The following KCNK13 variants were observed in gnomAD, a reference collection of about 807,000 sequenced individuals.
KCNK13 encodes the protein potassium two pore domain channel subfamily K member 13.
KCNK13 carries 12 observed loss-of-function variants against 23.4 expected under a neutral mutation model. The ratio of observed to expected loss-of-function variants is 0.51; its 90% CI spans 0.33 to 0.83. The LOEUF is 0.83. Ranked by LOEUF, KCNK13 falls within the 40% of genes least tolerant of loss-of-function variation. KCNK13 has a pLI of 0.02. For synonymous variants in KCNK13, 231 were observed against 229.5 expected, an observed-to-expected ratio of 1.01 and a Z score of -0.06; for missense variants, 463 against 556.3, an observed-to-expected ratio of 0.83 and a Z score of 1.69.
intron 1 of KCNK13, among the ~76,000 whole-genome samples, chr14:90,173,886 T>A (rs1044628960): frequency 6.6e-6 from 1 of 152,186 alleles, no homozygotes; most frequent in Non-Finnish European, 1.5e-5. Flanking sequence ...GAGGTTTAAT[T>A]GACTCACAGT....
chr14:90,169,667 A>C (rs1890342419), intron 1 of KCNK13, among the ~76,000 whole-genome samples: 1 of 152,180 alleles, frequency 6.6e-6, no homozygotes, highest in Admixed American at 6.5e-5. Context: ...TGTGAAGTAC[A>C]GATGCCCCCT....
At chr14:90,089,683 T>C (rs1244093901) in intron 1 of KCNK13, among the ~76,000 whole-genome samples, 2 of 152,174 alleles carry the variant, frequency 1.3e-5, no homozygotes, top group African/African-American at 4.8e-5. Flanking sequence ...GCCCCTCCCA[T>C]CACAGGCCCG....
At chr14:90,112,002 C>A (rs919988309) in intron 1 of KCNK13, among the ~76,000 whole-genome samples, 3 of 152,182 alleles carry the variant, frequency 2.0e-5, no homozygotes, top group Admixed American at 2.0e-4. Flanking sequence ...AACCTTGGGG[C>A]TGGCCCCACC....
chr14:90,087,630 G>A (rs186078748), intron 1 of KCNK13, among the ~76,000 whole-genome samples: 23 of 152,298 alleles, frequency 1.5e-4, no homozygotes, highest in Admixed American at 1.2e-3. Context: ...CAATCACTGC[G>A]CAGCATAATC....
chr14:90,065,544 A>T (rs1888997661), intron 1 of KCNK13, among the ~76,000 whole-genome samples: 1 of 152,222 alleles, frequency 6.6e-6, no homozygotes, highest in African/African-American at 2.4e-5. Flanking sequence ...CAGGTGCCAC[A>T]GTGGGCAACT....
intron 1 of KCNK13, among the ~76,000 whole-genome samples, chr14:90,086,782 A>G (rs907023122): frequency 1.8e-4 from 27 of 152,184 alleles, no homozygotes; most frequent in Middle Eastern, 3.4e-3. Flanking sequence ...TATTGGCCCA[A>G]CCTGACTGCA....
chr14:90,129,137 T>C (rs1889838050), intron 1 of KCNK13, among the ~76,000 whole-genome samples: 1 of 152,242 alleles, frequency 6.6e-6, no homozygotes, highest in Non-Finnish European at 1.5e-5. Flanking sequence ...CTTTTTAGTC[T>C]CAATCTTAGG....
In KCNK13 at chr14:90,062,311, G is replaced by A; in HGVS notation, c.106G>A (p.Ala36Thr). The A allele has an allele frequency of 6.4e-7, 1 of 1,555,760 alleles. No homozygotes were observed. Reference protein sequence around the residue: ...LIVLYLLGGAAVFSALELAHE... With the variant: ...LIVLYLLGGATVFSALELAHE... ...CGTGCTCTACCTGCTGGGCGGCGCC[G>A]CCGTCTTCTCCGCGCTGGAGCTGGC... The change falls in exon 1 of 2, where the codon GCC (alanine) becomes ACC (threonine). Residue 36 changes from alanine to threonine, a missense_variant. Ala to Thr is a moderately conservative substitution (Grantham distance 58). Around this residue, in one of 3 missense-constraint regions of KCNK13, gnomAD observed 153 missense variants for 153.6 expected, o/e 1.00. Transcript: ENST00000282146. The surrounding 1 kb of genome is among the most constrained non-coding windows in gnomAD (Gnocchi z 4.5).
In KCNK13 at chr14:90,121,582, G is replaced by A. The variant is rs183206135; in HGVS notation, c.334+59043G>A. On this transcript the variant is annotated intron_variant, in intron 1 of 1. Coordinates refer to ENST00000282146, the MANE Select transcript of KCNK13 (RefSeq NM_022054.4). ...TCTATTTTCTCCCATGATAAATGTA[G>A]TATATGCTCATTATAGAAAAAAGTC... 7.2e-5 allele frequency among the ~76,000 whole-genome samples: 11 copies of A among 152,284 alleles called. No homozygotes were observed. The East Asian group carries it at 2.1e-3, about 29-fold the overall frequency.
At chr14:90,152,362 C>T (rs1890143282) in intron 1 of KCNK13, among the ~76,000 whole-genome samples, 2 of 152,136 alleles carry the variant, frequency 1.3e-5, no homozygotes, top group South Asian at 4.1e-4. Context: ...ATGGTAAAAC[C>T]CCATCTCTAC....
intron 1 of KCNK13, among the ~76,000 whole-genome samples, chr14:90,125,946 C>T (rs1031221508): frequency 6.6e-6 from 1 of 151,402 alleles, no homozygotes; most frequent in Non-Finnish European, 1.5e-5. Flanking sequence ...ATCACCTGAG[C>T]CTGGGGAGGT....
At chr14:90,110,350 A>G (rs1889600446) in intron 1 of KCNK13, among the ~76,000 whole-genome samples, 1 of 152,034 alleles carries the variant, frequency 6.6e-6, no homozygotes, top group Non-Finnish European at 1.5e-5. Flanking sequence ...CGTCTCTACT[A>G]AAAATACAAA....
chr14:90,129,667 A>G (rs1889844265), intron 1 of KCNK13, among the ~76,000 whole-genome samples: 2 of 152,136 alleles, frequency 1.3e-5, no homozygotes, highest in Admixed American at 1.3e-4. Flanking sequence ...CAGTATGAAA[A>G]GTTCCACTGA....
Position 90,184,587 on chromosome 14 carries a change from T to C in KCNK13, c.811T>C (p.Cys271Arg). ...NFVFILMGVC[C>R]IYSLFNVISI... ...CGTCTTCATCCTCATGGGTGTCTGCTGCATCTACTCCTTGTTCAATGTCAT... is the reference window on the plus strand; with the variant it reads ...CGTCTTCATCCTCATGGGTGTCTGCCGCATCTACTCCTTGTTCAATGTCAT... Residue 271 changes from cysteine (C) to arginine (R), a missense_variant, in exon 2 of 2, where the codon TGC becomes CGC. Cys to Arg is a radical substitution (Grantham distance 180). Transcript: ENST00000282146. This position sits in a 1 kb window ranked among gnomAD's most constrained non-coding sequence, Gnocchi z 5.6. 1 of 1,614,264 alleles carries C rather than the reference T, an allele frequency of 6.2e-7. No individual in the cohort carries two copies. The highest frequency in any genetic ancestry group is 8.5e-7 in the Non-Finnish European group (1 of 1,180,044).
chr14:90,176,163 G>T (rs1890420278), intron 1 of KCNK13, among the ~76,000 whole-genome samples: 1 of 152,172 alleles, frequency 6.6e-6, no homozygotes, highest in African/African-American at 2.4e-5. Context: ...ACAAGCAACA[G>T]GAGGAGAGGA....
At chr14:90,108,305 G>A (rs72699106) in intron 1 of KCNK13, among the ~76,000 whole-genome samples, 9,643 of 152,012 alleles carry the variant, frequency 0.063, 417 homozygotes, top group South Asian at 0.14. Flanking sequence ...TCCACGTGTC[G>A]GCATGCCTCT....
At chr14:90,114,099 G>A (rs778550483) in intron 1 of KCNK13, among the ~76,000 whole-genome samples, 10 of 152,146 alleles carry the variant, frequency 6.6e-5, no homozygotes, top group South Asian at 2.1e-4. Flanking sequence ...TCAAATTTTC[G>A]TTGCAGCTCT....
At chr14:90,172,268 G>A (rs187828513) in intron 1 of KCNK13, among the ~76,000 whole-genome samples, 1 of 148,908 alleles carries the variant, frequency 6.7e-6, no homozygotes, top group African/African-American at 2.5e-5. Context: ...AGTGAGCCGA[G>A]ATAGTACCTC....
chr14:90,110,477 C>T (rs1889602314), intron 1 of KCNK13, among the ~76,000 whole-genome samples: 1 of 125,418 alleles, frequency 8.0e-6, no homozygotes, highest in East Asian at 2.6e-4. Context: ...GAGTCTTCGT[C>T]TCAAAAAAGA....
Sources: gnomAD v4.1 joint callset for allele counts (sites outside exome capture counted in the v4.1 genomes callset) on GRCh38, gnomAD v4.1.1 for gene constraint, gnomAD v4.1.1 regional missense constraint, Gnocchi (gnomAD v3.1) non-coding constraint, MANE v1.5 for transcripts, NCBI Gene and HGNC (gene_info 2026-07-23, HGNC 2026-07-21) for gene names.